Variants in BRD9 observed in about 807,000 individuals in gnomAD.
BRD9 encodes the protein bromodomain-containing protein 9.
Under a neutral mutation model 68.7 loss-of-function variants are expected in BRD9, and 47 were observed. That is an observed-to-expected ratio of 0.68 (90% CI 0.54 to 0.87). The LOEUF (loss-of-function observed/expected upper bound fraction) is 0.87, where lower values mean the gene tolerates loss of function less well. Ranked by LOEUF, BRD9 falls within the 40% of genes least tolerant of loss-of-function variation. The probability of loss-of-function intolerance (pLI) is 0.00; values close to 1 mark genes in which losing one functional copy is unlikely to be tolerated. For synonymous variants in BRD9, 313 were observed against 293.9 expected, an observed-to-expected ratio of 1.06 and a Z score of -0.67; for missense variants, 670 against 748.4, an observed-to-expected ratio of 0.90 and a Z score of 1.22.
intron 4 of BRD9, among the ~76,000 whole-genome samples, 163 bp downstream of exon 4, chr5:889,424 G>C (rs566192670): frequency 6.6e-6 from 1 of 152,106 alleles, no homozygotes; most frequent in Non-Finnish European, 1.5e-5. Context: ...CCACTAATGA[G>C]TTCATGAACT....
intron 12 of BRD9, among the ~76,000 whole-genome samples, chr5:874,134 G>T (rs1477314980): frequency 6.6e-6 from 1 of 151,684 alleles, no homozygotes; most frequent in Admixed American, 6.5e-5. Context: ...TTGAGACAGG[G>T]TCTTGCTCTA....
chr5:865,829 G>C, intron 14 of BRD9: 1 of 453,578 alleles, frequency 2.2e-6, no homozygotes, highest in Non-Finnish European at 3.9e-6. Context: ...ACAAGACCTA[G>C]CACCGCACAG....
intron 5 of BRD9, among the ~76,000 whole-genome samples, chr5:887,780 C>T (rs1752781140): frequency 6.6e-6 from 1 of 152,168 alleles, no homozygotes; most frequent in Non-Finnish European, 1.5e-5. Flanking sequence ...AGAACATAAA[C>T]AGGAACGAGA....
At chr5:884,433 A>T (rs1295222654) in intron 7 of BRD9, among the ~76,000 whole-genome samples, 1 of 152,242 alleles carries the variant, frequency 6.6e-6, no homozygotes, top group Non-Finnish European at 1.5e-5. Flanking sequence ...ACCCCTGACT[A>T]CGCAGGGTTC....
chr5:869,444 T>C (rs1560893826), intron 14 of BRD9: 2 of 445,428 alleles, frequency 4.5e-6, no homozygotes, highest in African/African-American at 4.0e-5. Context: ...TTGACATATT[T>C]TGAAATAGCC....
chr5:870,390 G>T (rs947521527), intron 14 of BRD9, 83 bp downstream of exon 14: 1 of 1,048,840 alleles, frequency 9.5e-7, no homozygotes, highest in South Asian at 1.3e-5. Context: ...TAGTCAGGAA[G>T]GGAGAGGAGG....
chr5:884,083 G>A lies in BRD9; in HGVS notation c.834-13C>T. ...CTCAAACATGCAGCTGTGAGGTGGG[G>A]ACAACCAAGTCACCTGGAGGCAGCG... On this transcript the variant is annotated splice_polypyrimidine_tract_variant and intron_variant, in intron 7 of 15. Transcript: ENST00000467963. 2 of 1,611,088 alleles carry A rather than the reference G, an allele frequency of 1.2e-6. No individual in the cohort carries two copies. The highest frequency in any genetic ancestry group is 1.7e-6 in the Non-Finnish European group (2 of 1,178,824).
intron 11 of BRD9, among the ~76,000 whole-genome samples, chr5:877,904 G>A (rs760308334): frequency 1.3e-5 from 2 of 152,170 alleles, no homozygotes; most frequent in Admixed American, 6.5e-5. Context: ...ACGCAGGATG[G>A]CCCCGGGAAG....
intron 15 of BRD9, 71 bp from the exon 16 acceptor site, chr5:864,639 C>G: frequency 7.1e-7 from 1 of 1,406,902 alleles, no homozygotes; most frequent in Non-Finnish European, 9.9e-7. Context: ...TCCTGGAGCC[C>G]AAGGTCTGCT....
chr5:871,652 T>C, intron 12 of BRD9, 88 bp from the exon 13 acceptor site: 1 of 1,284,886 alleles, frequency 7.8e-7, no homozygotes, highest in Non-Finnish European at 1.1e-6. Context: ...CACGTAAAAA[T>C]GGCTTGTGCG....
chr5:887,608 A>ACAT, intron 5 of BRD9, 137 bp from the exon 6 acceptor site: 1 of 707,614 alleles, frequency 1.4e-6, no homozygotes, highest in East Asian at 2.6e-5. Context: ...TCTGATCTAA[A>ACAT]CATAACGTTT....
At chr5:887,314 C>T in intron 6 of BRD9, 47 bp downstream of exon 6, 1 of 1,502,872 alleles carries the variant, frequency 6.7e-7, no homozygotes. Context: ...CGACGGGGGG[C>T]AGAGCCCCTG....
intron 14 of BRD9, 176 bp downstream of exon 14, chr5:870,297 T>C (rs971697942): frequency 6.1e-5 from 36 of 593,776 alleles, no homozygotes; most frequent in Non-Finnish European, 1.0e-4. Context: ...CTCAGGAGAT[T>C]CCAAGGATTT....
intron 4 of BRD9, 131 bp downstream of exon 4, chr5:889,456 G>T: frequency 9.8e-7 from 1 of 1,016,620 alleles, no homozygotes; most frequent in Non-Finnish European, 1.4e-6. Context: ...CCCCGAAGTG[G>T]ACTGGGAGTC....
chr5:889,746 C>T (rs780491653), intron 3 of BRD9, 99 bp from the exon 4 acceptor site: 1 of 1,567,726 alleles, frequency 6.4e-7, no homozygotes, highest in Non-Finnish European at 8.7e-7. Flanking sequence ...TGTCTCACAG[C>T]ATTTTAAGTT....
intron 6 of BRD9, 74 bp downstream of exon 6, chr5:887,287 C>A: frequency 7.8e-7 from 1 of 1,289,352 alleles, no homozygotes; most frequent in Non-Finnish European, 1.1e-6. Context: ...CACTGTGAGG[C>A]TCCCTTCGGG....
rs950259552 is a variant in BRD9, at chr5:891,197, G to A, written c.358C>T (p.Pro120Ser). The change falls in exon 3 of 16, where the codon CCG becomes TCG. Residue 120 changes from proline to serine, a missense_variant. This residue lies in a region of BRD9 where 161 missense variants were observed against 148.1 expected (regional missense o/e 1.09). Coordinates refer to ENST00000467963, the MANE Select transcript of BRD9 (RefSeq NM_023924.5). The stretch of plus-strand genomic sequence containing the variant: ...GCTCGGACTGGCCGATCTGGGGGCG[G>A]CTCCACCTCCACCTTCTTCCCAGGA... ...FDPGKKVEVE[P>S]PPDRPVRACR... is the part of the protein sequence containing the mutation. 2 of 1,551,846 alleles carry A rather than the reference G, an allele frequency of 1.3e-6. No individual in the cohort carries two copies. The highest frequency in any genetic ancestry group is 8.7e-7 in the Non-Finnish European group (1 of 1,147,024).
chr5:864,986 AC>A (rs1198613975), intron 15 of BRD9, among the ~76,000 whole-genome samples: 1 of 152,106 alleles, frequency 6.6e-6, no homozygotes, highest in Non-Finnish European at 1.5e-5. Context: ...TTGCAGCTAA[AC>A]CTCTGCAGCT....
chr5:882,487 C>G, intron 8 of BRD9: 5 of 163,408 alleles, frequency 3.1e-5, no homozygotes, highest in South Asian at 2.7e-4. Context: ...CCACAACCTC[C>G]CAACACGTGA....
Sources: gnomAD v4.1 joint callset for allele counts (sites outside exome capture counted in the v4.1 genomes callset) on GRCh38, gnomAD v4.1.1 for gene constraint, gnomAD v4.1.1 regional missense constraint, MANE v1.5 for transcripts, NCBI Gene and HGNC (gene_info 2026-07-23, HGNC 2026-07-21) for gene names.